The following ST6GALNAC3 variants were observed in gnomAD, a reference collection of about 807,000 sequenced individuals.
ST6GALNAC3 encodes alpha-N-acetylgalactosaminide alpha-2,6-sialyltransferase 3.
ST6GALNAC3 carries 25 observed loss-of-function variants against 32.7 expected under a neutral mutation model. That is an observed-to-expected ratio of 0.76 (90% CI 0.56 to 1.07). The LOEUF (loss-of-function observed/expected upper bound fraction) is 1.07. ST6GALNAC3 is among the 50% of genes least tolerant of loss of function. The pLI, the probability that ST6GALNAC3 is intolerant of heterozygous loss-of-function variation, is 0.00. For synonymous variants in ST6GALNAC3, 129 were observed against 133.1 expected, an observed-to-expected ratio of 0.97 and a Z score of 0.21; for missense variants, 355 against 382.4, an observed-to-expected ratio of 0.93 and a Z score of 0.60.
At chr1:76,133,503 G>A (rs1327428951) in intron 1 of ST6GALNAC3, among the ~76,000 whole-genome samples, 1 of 152,152 alleles carries the variant, frequency 6.6e-6, no homozygotes, top group Non-Finnish European at 1.5e-5. Context: ...TGACCCATTG[G>A]CCCAAGTCAT....
intron 1 of ST6GALNAC3, among the ~76,000 whole-genome samples, chr1:76,208,050 CCCAAAAAATAGTT>C (rs1654925940): frequency 1.8e-5 from 2 of 110,978 alleles, no homozygotes; most frequent in Non-Finnish European, 2.2e-5. Flanking sequence ...TGCCCCCCCC[CCCAAAAAATAGTT>C]CACCCAGAAC....
At chr1:76,606,773 T>C (rs2647389) in intron 3 of ST6GALNAC3, among the ~76,000 whole-genome samples, 22,141 of 150,160 alleles carry the variant, frequency 0.15, 1,647 homozygotes, top group South Asian at 0.22. Flanking sequence ...GAGGTCCTTC[T>C]AGGTGAGGTA....
intron 3 of ST6GALNAC3, among the ~76,000 whole-genome samples, chr1:76,503,721 G>T (rs1044377805): frequency 2.0e-5 from 3 of 152,174 alleles, no homozygotes; most frequent in African/African-American, 7.2e-5. Context: ...AGCAATAGTA[G>T]TAGTAGTAAT....
At chr1:76,221,919 G>C (rs138882253) in intron 1 of ST6GALNAC3, among the ~76,000 whole-genome samples, 1 of 152,114 alleles carries the variant, frequency 6.6e-6, no homozygotes, top group African/African-American at 2.4e-5. Context: ...AGGTCTTGGC[G>C]TGAGCTTTGA....
intron 3 of ST6GALNAC3, among the ~76,000 whole-genome samples, chr1:76,434,539 TG>T (rs1655995782): frequency 6.6e-6 from 1 of 152,198 alleles, no homozygotes; most frequent in African/African-American, 2.4e-5. Context: ...TACTGAGGAA[TG>T]TAGACATATT....
At chr1:76,490,327 G>T (rs1660414644) in intron 3 of ST6GALNAC3, among the ~76,000 whole-genome samples, 1 of 151,482 alleles carries the variant, frequency 6.6e-6, no homozygotes, top group Non-Finnish European at 1.5e-5. Flanking sequence ...AGGATCCAGA[G>T]ACTTAAAAAA....
intron 3 of ST6GALNAC3, among the ~76,000 whole-genome samples, chr1:76,588,538 T>C (rs916891556): frequency 2.6e-5 from 4 of 152,232 alleles, no homozygotes; most frequent in African/African-American, 9.6e-5. Context: ...GTGTGCTAAT[T>C]GGCCATTTGC....
intron 1 of ST6GALNAC3, among the ~76,000 whole-genome samples, chr1:76,087,296 T>A (rs1389426164): frequency 6.6e-6 from 1 of 152,202 alleles, no homozygotes; most frequent in African/African-American, 2.4e-5. Context: ...GTGTTAAAAC[T>A]ATTGAAATCC....
chr1:76,143,392 C>CGTGTGTGTGTGTGTGT (rs4034974), intron 1 of ST6GALNAC3, among the ~76,000 whole-genome samples: 23 of 142,442 alleles, frequency 1.6e-4, no homozygotes, highest in East Asian at 4.3e-4. Flanking sequence ...CTTACCAAGT[C>CGTGTGTGTGTGTGTGT]GTGTGTGTGT....
At chr1:76,601,381 A>G (rs914607964) in intron 3 of ST6GALNAC3, among the ~76,000 whole-genome samples, 6 of 152,214 alleles carry the variant, frequency 3.9e-5, no homozygotes, top group African/African-American at 1.4e-4. Context: ...AGTTATTTTC[A>G]GATGAATAAA....
At chr1:76,238,427 G>A (rs901319449) in intron 1 of ST6GALNAC3, among the ~76,000 whole-genome samples, 27 of 152,196 alleles carry the variant, frequency 1.8e-4, no homozygotes, top group African/African-American at 6.5e-4. Context: ...AGGCCATTAC[G>A]GGGTATTTTA....
intron 3 of ST6GALNAC3, among the ~76,000 whole-genome samples, chr1:76,457,109 T>A (rs1334067305): frequency 6.6e-6 from 1 of 151,814 alleles, no homozygotes; most frequent in African/African-American, 2.4e-5. Flanking sequence ...CACAATTGCT[T>A]CAAAGAGAAT....
chr1:76,555,462 T>C (rs770588987), intron 3 of ST6GALNAC3, among the ~76,000 whole-genome samples: 1 of 151,910 alleles, frequency 6.6e-6, no homozygotes, highest in Non-Finnish European at 1.5e-5. Flanking sequence ...TTCCAATGAG[T>C]GCATGAGGAC....
At chr1:76,148,228 G>A (rs1650813649) in intron 1 of ST6GALNAC3, among the ~76,000 whole-genome samples, 1 of 152,150 alleles carries the variant, frequency 6.6e-6, no homozygotes, top group African/African-American at 2.4e-5. Flanking sequence ...ATCCTCAAGA[G>A]GCTATTAACG....
intron 1 of ST6GALNAC3, among the ~76,000 whole-genome samples, chr1:76,115,656 G>T (rs902085712): frequency 6.6e-6 from 1 of 152,128 alleles, no homozygotes; most frequent in African/African-American, 2.4e-5. Flanking sequence ...TCTGCTTCTT[G>T]GTGGACCACA....
chr1:76,414,050 A>G (rs984461333), intron 3 of ST6GALNAC3, among the ~76,000 whole-genome samples: 1 of 152,072 alleles, frequency 6.6e-6, no homozygotes, highest in African/African-American at 2.4e-5. Context: ...TTTATTTCAC[A>G]TTGACTTTTG....
chr1:76,229,180 A>G (rs528420308), intron 1 of ST6GALNAC3, among the ~76,000 whole-genome samples: 8 of 152,300 alleles, frequency 5.3e-5, no homozygotes, highest in Admixed American at 1.3e-4. Context: ...CTAGCCTGCC[A>G]TGAGTTAGAC....
chr1:76,467,378 G>T (rs1658708576), intron 3 of ST6GALNAC3, among the ~76,000 whole-genome samples: 1 of 151,916 alleles, frequency 6.6e-6, no homozygotes, highest in East Asian at 1.9e-4. Context: ...GTGAATATAG[G>T]TGATCCATCC....
At chr1:76,589,426 T>G (rs1647013111) in intron 3 of ST6GALNAC3, among the ~76,000 whole-genome samples, 1 of 151,988 alleles carries the variant, frequency 6.6e-6, no homozygotes, top group Non-Finnish European at 1.5e-5. Flanking sequence ...TGTAAAGGAA[T>G]CTACCTGGCC....
Sources: gnomAD v4.1 joint callset for allele counts (sites outside exome capture counted in the v4.1 genomes callset) on GRCh38, gnomAD v4.1.1 for gene constraint, MANE v1.5 for transcripts, NCBI Gene and HGNC (gene_info 2026-07-23, HGNC 2026-07-21) for gene names.